Variants in TRPM3 observed in about 807,000 individuals in gnomAD.
The protein encoded by TRPM3 is long transient receptor potential channel 3.
TRPM3 carries 77 observed loss-of-function variants against 181.2 expected under a neutral mutation model. The ratio of observed to expected loss-of-function variants is 0.42; its 90% CI spans 0.35 to 0.51. The LOEUF is 0.51. Ranked by LOEUF, TRPM3 falls within the 20% of genes least tolerant of loss-of-function variation. The pLI, the probability that TRPM3 is intolerant of heterozygous loss-of-function variation, is 0.01. For synonymous variants in TRPM3, 745 were observed against 796.4 expected (o/e 0.94, Z 1.09); for missense variants, 1,759 against 2,196.7 (o/e 0.80, Z 3.98).
upstream of TRPM3, among the ~76,000 whole-genome samples, chr9:71,126,594 C>A (rs2074044248): frequency 6.6e-6 from 1 of 151,984 alleles, no homozygotes; most frequent in African/African-American, 2.4e-5. Context: ...TTTTTCCTTT[C>A]TTAAGGTATA....
At chr9:71,014,391 C>CA (rs1210130121) in intron 1 of TRPM3, among the ~76,000 whole-genome samples, 4 of 151,928 alleles carry the variant, frequency 2.6e-5, no homozygotes, top group South Asian at 2.1e-4. Flanking sequence ...CTTTGATATA[C>CA]AAAAAAATCC....
At chr9:70,626,729 A>G (rs991236859) in intron 12 of TRPM3, among the ~76,000 whole-genome samples, 1 of 152,172 alleles carries the variant, frequency 6.6e-6, no homozygotes, top group Non-Finnish European at 1.5e-5. Flanking sequence ...GGAAATTCAT[A>G]GTGTCAAAAG....
At chr9:71,112,495 T>C (rs2071344348) in intron 1 of TRPM3, among the ~76,000 whole-genome samples, 1 of 152,152 alleles carries the variant, frequency 6.6e-6, no homozygotes, top group African/African-American at 2.4e-5. Context: ...GGTCAAGGTA[T>C]TCTTTAATCA....
intron 21 of TRPM3, among the ~76,000 whole-genome samples, chr9:70,596,328 G>A (rs1442461825): frequency 2.0e-5 from 3 of 152,102 alleles, no homozygotes; most frequent in African/African-American, 4.8e-5. Flanking sequence ...AAGAAAAGTC[G>A]TGATTATTTA....
At position 70,922,970 on chromosome 9, in the gene TRPM3, CA is replaced by C. The variant is rs369096213; in HGVS notation, c.178-58460del. 4.2e-3 allele frequency among the ~76,000 whole-genome samples: 635 copies of C among 152,190 alleles called. 5 individuals carry two copies. Among genetic ancestry groups the C allele is most frequent in the Non-Finnish European group, 5.3e-3 (363 of 68,010 alleles). On this transcript the variant is annotated intron_variant, in intron 1 of 25. Coordinates refer to ENST00000677713, the MANE Select transcript of TRPM3 (RefSeq NM_001366145.2). The stretch of plus-strand genomic sequence containing the variant: ...TCATCTGCTATGAGATCATCTGAAA[CA>C]GTGTAATTGATCCACGTATCAAAAG...
At chr9:71,077,393 C>G (rs1373863745) in intron 1 of TRPM3, among the ~76,000 whole-genome samples, 2 of 152,174 alleles carry the variant, frequency 1.3e-5, no homozygotes, top group Admixed American at 1.3e-4. Context: ...TTTCTCTAAG[C>G]TTCATCATTT....
intron 1 of TRPM3, among the ~76,000 whole-genome samples, chr9:70,908,094 C>T (rs147956865): frequency 1.2e-4 from 19 of 152,112 alleles, no homozygotes; most frequent in Middle Eastern, 3.4e-3. Context: ...AAGCTCAATG[C>T]CAATGAATCA....
At chr9:70,589,359 C>T (rs2057719264) in intron 22 of TRPM3, among the ~76,000 whole-genome samples, 1 of 152,212 alleles carries the variant, frequency 6.6e-6, no homozygotes, top group South Asian at 2.1e-4. Context: ...TTATAAAACA[C>T]ACCTACACCT....
chr9:70,635,121 C>T (rs4322073), intron 12 of TRPM3, 90 bp downstream of exon 12: 599,348 of 1,118,756 alleles, frequency 0.54, 165,661 homozygotes, highest in Non-Finnish European at 0.58. Flanking sequence ...GACAGGAATA[C>T]TCTGGCAGCT....
At chr9:71,287,226 T>A (rs1030315962) in intron 1 of TRPM3, among the ~76,000 whole-genome samples, 1 of 150,654 alleles carries the variant, frequency 6.6e-6, no homozygotes, top group Non-Finnish European at 1.5e-5. Context: ...CCATCTAATT[T>A]GAGAAATACA....
At chr9:71,285,626 A>C (rs965016282) in intron 1 of TRPM3, among the ~76,000 whole-genome samples, 2 of 152,224 alleles carry the variant, frequency 1.3e-5, no homozygotes, top group Non-Finnish European at 2.9e-5. Context: ...TACTTAGTCC[A>C]AATCAAATAA....
intron 1 of TRPM3, among the ~76,000 whole-genome samples, chr9:70,897,921 T>C (rs2096305446): frequency 6.6e-6 from 1 of 152,136 alleles, no homozygotes; most frequent in Non-Finnish European, 1.5e-5. Flanking sequence ...AGGGAGTTGT[T>C]ATTAAACAAC....
At chr9:70,880,497 T>C (rs1384846790) in intron 1 of TRPM3, among the ~76,000 whole-genome samples, 3 of 152,184 alleles carry the variant, frequency 2.0e-5, no homozygotes, top group Non-Finnish European at 4.4e-5. Context: ...GAAAATTCTA[T>C]ATTTTCTATG....
chr9:71,119,607 T>C (rs2073180742), intron 1 of TRPM3, among the ~76,000 whole-genome samples: 1 of 152,052 alleles, frequency 6.6e-6, no homozygotes, highest in South Asian at 2.1e-4. Context: ...TCAAGAAGAG[T>C]TAAAAAGCAT....
rs2064051462 is a variant in TRPM3 at position 71,080,171 on chromosome 9, A to AAAATAAATAAATAAT, written c.177+41006_177+41007insATTATTTATTTATTT. 1.1e-4 allele frequency among the ~76,000 whole-genome samples: 14 copies of AAAATAAATAAATAAT among 133,202 alleles called. No homozygotes were observed. In the South Asian group the frequency reaches 3.6e-3, roughly 34 times the overall value. 87.4% of individuals were successfully genotyped at this position (133,202 alleles called of 152,430 possible). ...GACAACAAGAGTCAAACTCCATCTCAAAATAAATAAATAAATAAATAAATA... is the reference window on the plus strand; with the variant it reads ...GACAACAAGAGTCAAACTCCATCTCAAAATAAATAAATAATAAATAAATAAATAAATAAATAAATA... On this transcript the variant is annotated intron_variant, in intron 1 of 25. Coordinates refer to ENST00000677713, the MANE Select transcript of TRPM3 (RefSeq NM_001366145.2).
At chr9:71,000,968 C>T (rs767804925) in intron 1 of TRPM3, among the ~76,000 whole-genome samples, 1 of 152,160 alleles carries the variant, frequency 6.6e-6, no homozygotes, top group African/African-American at 2.4e-5. Flanking sequence ...ACCAAAACAC[C>T]TTTTCTATTA....
At chr9:71,193,481 C>G (rs2078154179) in intron 1 of TRPM3, among the ~76,000 whole-genome samples, 1 of 151,810 alleles carries the variant, frequency 6.6e-6, no homozygotes, top group African/African-American at 2.4e-5. Context: ...CCTCCTCTTT[C>G]TCTACCAGCA....
At chr9:71,145,616 A>G (rs751347178) in intron 1 of TRPM3, among the ~76,000 whole-genome samples, 1 of 152,144 alleles carries the variant, frequency 6.6e-6, no homozygotes, top group East Asian at 1.9e-4. Context: ...CTATTTTCTC[A>G]TGTAAAATCC....
intron 1 of TRPM3, among the ~76,000 whole-genome samples, chr9:70,867,725 C>A (rs2095682288): frequency 6.6e-6 from 1 of 152,046 alleles, no homozygotes; most frequent in Non-Finnish European, 1.5e-5. Flanking sequence ...ATTAGGAATT[C>A]TCCAATATAT....
Sources: allele counts gnomAD v4.1 joint callset (sites outside exome capture counted in the v4.1 genomes callset), GRCh38; gene constraint gnomAD v4.1.1; transcripts MANE v1.5; gene names NCBI Gene and HGNC (gene_info 2026-07-23, HGNC 2026-07-21).